ZNF768: variants seen among roughly 807,000 people sequenced by gnomAD.
ZNF768 encodes zinc finger protein 768.
Under a neutral mutation model 39.7 loss-of-function variants are expected in ZNF768, and 12 were observed. The observed-to-expected ratio is 0.30, with a 90% confidence interval of 0.19 to 0.49. ZNF768 has a LOEUF of 0.49. Ranked by LOEUF, ZNF768 falls within the 20% of genes least tolerant of loss-of-function variation. The pLI, the probability that ZNF768 is intolerant of heterozygous loss-of-function variation, is 0.99. For missense variants in ZNF768, 613 were observed against 723.2 expected (o/e 0.85, Z 1.75); for synonymous variants, 360 against 288.4 (o/e 1.25, Z -2.52).
upstream of ZNF768, chr16:30,526,800 C>CA: frequency 1.1e-6 from 1 of 869,654 alleles, no homozygotes; most frequent in Non-Finnish European, 1.4e-6. Flanking sequence ...AGCACCCCCC[C>CA]ACCCTCCCCC....
chr16:30,526,900 A>G, upstream of ZNF768: 1 of 983,904 alleles, frequency 1.0e-6, no homozygotes. Context: ...ACTCGTTGGC[A>G]TTAACCCTGG....
Position 30,526,421 on chromosome 16 carries a change from G to C in ZNF768, c.-8C>G. 1.3e-6 allele frequency: 2 copies of C among 1,574,334 alleles called. No individual in the cohort carries two copies. The highest frequency in any genetic ancestry group is 1.7e-6 in the Non-Finnish European group (2 of 1,163,202). ...CAACGCCTCCCGCTCCATCCCCGCG[G>C]GCTCCCAGTGCAGCGGCGGCGGCGA... On this transcript the variant is annotated 5_prime_UTR_variant, in exon 1 of 2. Transcript: ENST00000380412.
In ZNF768 at chr16:30,525,348, G is replaced by A. The variant is rs1239388867; in HGVS notation, c.792C>T (p.Gly264=). 1 of 1,614,124 alleles carries A rather than the reference G, an allele frequency of 6.2e-7. No homozygotes were observed. Among genetic ancestry groups the A allele is most frequent in the Admixed American group, 1.7e-5 (1 of 60,032 alleles). Residue 264 remains glycine, a synonymous_variant, in exon 2 of 2, where the codon GGC becomes GGT. Coordinates refer to ENST00000380412, the MANE Select transcript of ZNF768 (RefSeq NM_024671.4). The part of the protein sequence containing the change: ...GGQGPRPNIC[G]ICGKSFGRGS... ...CCCGCCCGAAGCTCTTCCCGCAGAT[G>A]CCACAGATGTTAGGCCGAGGGCCCT...
chr16:30,527,446 C>T (rs893489187), upstream of ZNF768: 33 of 466,756 alleles, frequency 7.1e-5, no homozygotes, highest in African/African-American at 6.5e-4. Context: ...GGCTCGTGCT[C>T]TAGCCGCCCC....
chr16:30,526,764 T>C, upstream of ZNF768: 1 of 162,900 alleles, frequency 6.1e-6, no homozygotes, highest in Non-Finnish European at 9.7e-6. Flanking sequence ...GGCCCCGGGC[T>C]GGGCTGCACT....
chr16:30,532,371 G>T, the ZNF768 span: 1 of 1,081,680 alleles, frequency 9.2e-7, no homozygotes, highest in Non-Finnish European at 1.3e-6. Context: ...CCCAAGATCA[G>T]ACTGTCCGCA....
chr16:30,530,377 TC>T (rs1191731315), upstream of ZNF768: 1 of 152,196 alleles, frequency 6.6e-6, no homozygotes, highest in Non-Finnish European at 1.5e-5. The surrounding 1 kb of genome is among the most constrained non-coding windows in gnomAD (Gnocchi z 4.4). Flanking sequence ...TAGGTAATAA[TC>T]ACGGCATCTT....
chr16:30,527,117 C>A (rs557242894), upstream of ZNF768: 1 of 985,278 alleles, frequency 1.0e-6, no homozygotes, highest in Non-Finnish European at 1.2e-6. Context: ...CGACGCTTCC[C>A]GGCGCCAGCG....
At chr16:30,527,284 G>A (rs1255124283), upstream of ZNF768, 3 of 986,016 alleles carry the variant, frequency 3.0e-6, no homozygotes, top group South Asian at 4.7e-5. Flanking sequence ...GCCCGCTCCC[G>A]TTCCTCCGGC....
Position 30,525,976 on chromosome 16 carries a change from G to A in ZNF768, c.164C>T (p.Pro55Leu), listed in dbSNP as rs2051319185. Residue 55 changes from proline (P) to leucine (L), a missense_variant, in exon 2 of 2, where the codon CCA becomes CTA. Coordinates refer to ENST00000380412, the MANE Select transcript of ZNF768 (RefSeq NM_024671.4). The part of the protein sequence containing the change: ...GSGDYEVEEI[P>L]FGLEPQSPGF... ...AGGGCTCTGGGGTTCAAGCCCAAATGGTATCTCTTCGACTTCATAGTCCCC... is the reference window on the plus strand; with the variant it reads ...AGGGCTCTGGGGTTCAAGCCCAAATAGTATCTCTTCGACTTCATAGTCCCC... 1.3e-6 allele frequency: 2 copies of A among 1,506,200 alleles called. No individual in the cohort carries two copies. Among genetic ancestry groups the A allele is most frequent in the Non-Finnish European group, 1.8e-6 (2 of 1,130,352 alleles). 93.3% of individuals were successfully genotyped at this position (1,506,200 alleles called of 1,614,324 possible).
the ZNF768 span, chr16:30,532,436 G>A: frequency 6.5e-7 from 1 of 1,532,630 alleles, no homozygotes; most frequent in Non-Finnish European, 8.8e-7. Flanking sequence ...CCGCTGCAGA[G>A]GTTCGGGCCC....
Position 30,525,805 on chromosome 16 carries a change from G to C in ZNF768, c.335C>G (p.Pro112Arg). The change falls in exon 2 of 2, where the codon CCT becomes CGT. Residue 112 changes from proline to arginine, a missense_variant. Coordinates refer to ENST00000380412, the MANE Select transcript of ZNF768 (RefSeq NM_024671.4). ...CCTAGGGCTCTGGGATTCAAACTCA[G>C]GGCTCTGAGAATCTGATTCAGGGCT... ...PRSPESDSQS[P>R]EFESQSPRYE... 1 of 1,550,520 alleles carries C rather than the reference G, an allele frequency of 6.4e-7. No homozygotes were observed. Among genetic ancestry groups the C allele is most frequent in the Non-Finnish European group, 8.7e-7 (1 of 1,153,536 alleles).
At position 30,524,567 on chromosome 16, in the gene ZNF768, T is replaced by G; in HGVS notation, c.1573A>C (p.Ser525Arg). ...CDDCGKAFSQ[S>R]SDLIRHQRTH... ...CGCTGGTGGCGGATGAGGTCGGAGC[T>G]CTGGGAGAAGGCCTTTCCGCAGTCA... Residue 525 changes from serine to arginine, a missense_variant, in exon 2 of 2, where the codon AGC becomes CGC. Physicochemically the swap from Ser to Arg is moderately radical, Grantham distance 110. Coordinates refer to ENST00000380412, the MANE Select transcript of ZNF768 (RefSeq NM_024671.4). The G allele has an allele frequency of 1.2e-6, 2 of 1,612,202 alleles. No homozygotes were observed. The highest frequency in any genetic ancestry group is 8.5e-7 in the Non-Finnish European group (1 of 1,179,906).
chr16:30,525,032 C>G lies in ZNF768; in HGVS notation c.1108G>C (p.Glu370Gln). The G allele has an allele frequency of 6.2e-7, 1 of 1,614,122 alleles. No individual in the cohort carries two copies. Among genetic ancestry groups the G allele is most frequent in the Non-Finnish European group, 8.5e-7 (1 of 1,180,010 alleles). Residue 370 changes from glutamate (E) to glutamine (Q), a missense_variant, in exon 2 of 2, where the codon GAG (glutamate) becomes CAG (glutamine). Around this residue, in one of 4 missense-constraint regions of ZNF768, gnomAD observed 204 missense variants for 281.7 expected, o/e 0.72. Coordinates refer to ENST00000380412, the MANE Select transcript of ZNF768 (RefSeq NM_024671.4). ...LLRHQRTHSH[E>Q]RPYSCTECGK... ...CACTCGGTGCAGCTGTAGGGCCGCT[C>G]GTGGCTGTGGGTGCGCTGGTGTCGC...
chr16:30,526,794 C>G, upstream of ZNF768: 2 of 279,734 alleles, frequency 7.1e-6, no homozygotes, highest in Non-Finnish European at 1.1e-5. Flanking sequence ...CCGCCCAGCA[C>G]CCCCCCACCC....
At position 30,525,918 on chromosome 16, in the gene ZNF768, GGGTTCAAACTCTGGGCTTTGT is replaced by G. The variant is rs2051318655; in HGVS notation, c.201_221del (p.Glu71_Pro77del). ...TTTCAGGCTCAAATCTGGGGCTTTG[GGGTTCAAACTCTGGGCTTTGT>G]GGCTCAAACCCAGGGCTCTGGGGTT... On this transcript the variant is annotated inframe_deletion, in exon 2 of 2. Coordinates refer to ENST00000380412, the MANE Select transcript of ZNF768 (RefSeq NM_024671.4). 6.6e-7 allele frequency: 1 copy of G among 1,518,452 alleles called. No homozygotes were observed. The highest frequency in any genetic ancestry group is 1.4e-5 in the African/African-American group (1 of 71,592). The allele number at this position is 1,518,452 out of a possible 1,614,324, so 94.1% of individuals were successfully genotyped here.
At position 30,525,409 on chromosome 16, in the gene ZNF768, C is replaced by T. The variant is rs746559698; in HGVS notation, c.731G>A (p.Gly244Asp). ...GGCCCGGCCACCCCGCCGACCTGGA[C>T]CTCGAAGGGCTCCTGTGAGACCCAG... ...NPLGLTGALR[G>D]PGRRGGRARG... Residue 244 changes from glycine to aspartate, a missense_variant, in exon 2 of 2, where the codon GGT (glycine) becomes GAT (aspartate). Transcript: ENST00000380412. 6.8e-6 allele frequency: 11 copies of T among 1,614,134 alleles called. No individual in the cohort carries two copies. The highest frequency in any genetic ancestry group is 9.3e-6 in the Non-Finnish European group (11 of 1,180,032).
Position 30,524,713 on chromosome 16 carries a change from T to A in ZNF768, c.1427A>T (p.Gln476Leu), listed in dbSNP as rs2051304172. ...FNRSSTLIQH[Q>L]RSHTGERPYR... ...GGGCCGCTCGCCCGTGTGGGAGCGC[T>A]GGTGCTGGATGAGAGTGGAGGAGCG... Residue 476 changes from glutamine (Q) to leucine (L), a missense_variant, in exon 2 of 2, where the codon CAG becomes CTG. By Grantham distance (113) the Gln-to-Leu change is moderately radical (BLOSUM62 -2). This residue lies in a region of ZNF768 where 204 missense variants were observed against 281.7 expected (regional missense o/e 0.72). Coordinates refer to ENST00000380412, the MANE Select transcript of ZNF768 (RefSeq NM_024671.4). 1 of 1,612,968 alleles carries A rather than the reference T, an allele frequency of 6.2e-7. No homozygotes were observed. The highest frequency in any genetic ancestry group is 8.5e-7 in the Non-Finnish European group (1 of 1,179,694).
upstream of ZNF768, among the ~76,000 whole-genome samples, chr16:30,528,818 G>T (rs981685502): frequency 5.9e-5 from 9 of 152,176 alleles, no homozygotes; most frequent in African/African-American, 1.9e-4. Flanking sequence ...CACTCACACA[G>T]GTAGGAAACA....
Sources: allele counts gnomAD v4.1 joint callset (sites outside exome capture counted in the v4.1 genomes callset), GRCh38; gene constraint gnomAD v4.1.1; regional missense constraint gnomAD v4.1.1; non-coding constraint Gnocchi (gnomAD v3.1); transcripts MANE v1.5; gene names NCBI Gene and HGNC (gene_info 2026-07-23, HGNC 2026-07-21).